ETFA: variants seen among roughly 807,000 people sequenced by gnomAD.
ETFA encodes electron transfer flavoprotein subunit alpha, mitochondrial.
A neutral mutation model predicts 46.2 loss-of-function variants in ETFA; 22 were observed. The observed-to-expected ratio is 0.48, with a 90% CI of 0.34 to 0.68. The LOEUF (loss-of-function observed/expected upper bound fraction) is 0.68, where lower values mean the gene tolerates loss of function less well. Among genes scored for constraint, ETFA ranks in the 30% least tolerant of loss-of-function variants. The probability of loss-of-function intolerance (pLI) is 0.01; values close to 1 mark genes in which losing one functional copy is unlikely to be tolerated. For synonymous variants in ETFA, 131 were observed against 139.9 expected, an observed-to-expected ratio of 0.94 and a Z score of 0.45; for missense variants, 345 against 401.1, an observed-to-expected ratio of 0.86 and a Z score of 1.19.
intron 9 of ETFA, chr15:76,259,146 C>A (rs1174850003): frequency 6.7e-7 from 1 of 1,501,844 alleles, no homozygotes; most frequent in Non-Finnish European, 9.3e-7. Context: ...ACCCACTGTC[C>A]CCATGCCACT....
At chr15:76,299,087 T>C (rs77981704) in intron 1 of ETFA, among the ~76,000 whole-genome samples, 54 of 152,318 alleles carry the variant, frequency 3.5e-4, no homozygotes, top group African/African-American at 1.2e-3. Flanking sequence ...AACGAGGTAA[T>C]TGCCTCAAAA....
At chr15:76,274,523 T>G (rs1340021620) in intron 8 of ETFA, 29 bp from the exon 9 acceptor site, 2 of 1,567,726 alleles carry the variant, frequency 1.3e-6, no homozygotes, top group African/African-American at 2.7e-5. Flanking sequence ...TGTCATTTTT[T>G]TCAAGCTCTA....
intron 9 of ETFA, among the ~76,000 whole-genome samples, chr15:76,255,175 C>T (rs542505289): frequency 3.4e-4 from 51 of 152,228 alleles, no homozygotes; most frequent in African/African-American, 1.1e-3. Context: ...CTAAAAAATA[C>T]TGTGTGAAAT....
intron 11 of ETFA, among the ~76,000 whole-genome samples, chr15:76,222,885 A>G (rs2142105757): frequency 6.6e-6 from 1 of 151,692 alleles, no homozygotes; most frequent in South Asian, 2.1e-4. Flanking sequence ...CCCAGGCTGA[A>G]GTGCAGTGGT....
intron 9 of ETFA, among the ~76,000 whole-genome samples, chr15:76,246,028 CAAAACAAAAT>C (rs922827563): frequency 6.6e-6 from 1 of 152,078 alleles, no homozygotes; most frequent in Non-Finnish European, 1.5e-5. Flanking sequence ...TTCATAATTT[CAAAACAAAAT>C]AAAACAAAAT....
chr15:76,260,692 T>C, intron 9 of ETFA: 1 of 1,602,656 alleles, frequency 6.2e-7, no homozygotes. Flanking sequence ...CACTCCAAGA[T>C]GAGGCCTGAA....
chr15:76,269,229 C>T (rs1385307016), intron 9 of ETFA, among the ~76,000 whole-genome samples: 7 of 152,054 alleles, frequency 4.6e-5, no homozygotes. Flanking sequence ...AAAAGGGGGG[C>T]ATGTTGGGAG....
chr15:76,266,240 A>G (rs1172223922), intron 9 of ETFA, among the ~76,000 whole-genome samples: 3 of 152,032 alleles, frequency 2.0e-5, no homozygotes, highest in Non-Finnish European at 4.4e-5. Flanking sequence ...TGCTTTTTTT[A>G]CCATTCCTTT....
intron 9 of ETFA, among the ~76,000 whole-genome samples, chr15:76,269,070 G>C (rs1346918284): frequency 6.6e-6 from 1 of 152,094 alleles, no homozygotes; most frequent in Non-Finnish European, 1.5e-5. Flanking sequence ...GTGGATTAAG[G>C]CCATTGGAAG....
intron 8 of ETFA, among the ~76,000 whole-genome samples, chr15:76,283,129 A>G (rs1000543569): frequency 1.2e-4 from 19 of 152,240 alleles, no homozygotes; most frequent in Non-Finnish European, 4.4e-5. Context: ...CCACCAAAAA[A>G]AAGATGAAAA....
At chr15:76,304,395 C>A (rs747998391) in intron 1 of ETFA, among the ~76,000 whole-genome samples, 1 of 152,122 alleles carries the variant, frequency 6.6e-6, no homozygotes, top group Admixed American at 6.5e-5. Context: ...CCAGGACACA[C>A]GGTTTACTCA....
At chr15:76,289,044 T>A (rs914095982) in intron 4 of ETFA, among the ~76,000 whole-genome samples, 1 of 151,532 alleles carries the variant, frequency 6.6e-6, no homozygotes. Context: ...CTTGGCCTCC[T>A]GAGTAGCTGG....
At chr15:76,278,250 C>T (rs2469537) in intron 8 of ETFA, among the ~76,000 whole-genome samples, 149,001 of 152,240 alleles carry the variant, frequency 0.98, 72,995 homozygotes, top group South Asian at 1. Flanking sequence ...CTTAATACTC[C>T]CAATTTTCAG....
intron 9 of ETFA, among the ~76,000 whole-genome samples, chr15:76,262,939 C>T: frequency 6.6e-6 from 1 of 152,156 alleles, no homozygotes; most frequent in Non-Finnish European, 1.5e-5. Context: ...GGGAACTATA[C>T]CTGAAATTCT....
rs35290919 is a variant in ETFA, at chr15:76,306,267, C to CTT, written c.39+5081_39+5082dup. ...AGGGCAGGGGAGGGTTTTTTTGCTTCTTTTTTTTTTTTTTTTTGAGACAGA... is the reference window on the plus strand; with the variant it reads ...AGGGCAGGGGAGGGTTTTTTTGCTTCTTTTTTTTTTTTTTTTTTTGAGACAGA... On this transcript the variant is annotated intron_variant, in intron 1 of 11. Transcript: ENST00000557943. Among the ~76,000 whole-genome samples, 324 of 109,470 alleles carry CTT rather than the reference C, an allele frequency of 3.0e-3. 10 individuals are homozygous for CTT. Among genetic ancestry groups the CTT allele is most frequent in the South Asian group, 0.015 (38 of 2,594 alleles). The allele number at this position is 109,470 out of a possible 152,430, so 71.8% of individuals were successfully genotyped here.
chr15:76,304,607 C>A (rs996323297), intron 1 of ETFA, among the ~76,000 whole-genome samples: 10 of 146,416 alleles, frequency 6.8e-5, no homozygotes, highest in Non-Finnish European at 1.3e-4. Flanking sequence ...GAGGCTGCAG[C>A]GAGTCAAGAT....
chr15:76,256,076 G>T (rs1444985967), intron 9 of ETFA, among the ~76,000 whole-genome samples: 1 of 151,674 alleles, frequency 6.6e-6, no homozygotes, highest in African/African-American at 2.4e-5. Context: ...TGGCCAACAT[G>T]GTGAAACCTT....
Position 76,258,970 on chromosome 15 carries a change from G to T in ETFA, c.816+15442C>A, listed in dbSNP as rs541405703. 17 of 1,576,338 alleles carry T rather than the reference G, an allele frequency of 1.1e-5. No homozygotes were observed. In the African/African-American group the frequency reaches 1.5e-4, roughly 14 times the overall value. ...TCAGAGCCAGCCAAATTGCCCTGAT[G>T]CCCTCTGCCTGTGAGCTAACAGCTA... is the stretch of plus-strand genomic sequence containing the variant. On this transcript the variant is annotated intron_variant, in intron 9 of 11. Coordinates refer to ENST00000557943, the MANE Select transcript of ETFA (RefSeq NM_000126.4).
In ETFA at chr15:76,305,456, C is replaced by T. The variant is rs187867003; in HGVS notation, c.39+5894G>A. Reference sequence around the variant, plus strand: ...CATGTATAAGGGTAACTAAACAGTACATAAACTGTTACATCACTAAAACAG... The same window carrying T: ...CATGTATAAGGGTAACTAAACAGTATATAAACTGTTACATCACTAAAACAG... On this transcript the variant is annotated intron_variant, in intron 1 of 11. Coordinates refer to ENST00000557943, the MANE Select transcript of ETFA (RefSeq NM_000126.4). Among the ~76,000 whole-genome samples, 166 of 152,308 alleles carry T rather than the reference C, an allele frequency of 1.1e-3. 1 individual carries two copies. The highest frequency in any genetic ancestry group is 3.9e-3 in the African/African-American group (163 of 41,562).
Sources: gnomAD v4.1 joint callset for allele counts (sites outside exome capture counted in the v4.1 genomes callset) on GRCh38, gnomAD v4.1.1 for gene constraint, MANE v1.5 for transcripts, NCBI Gene and HGNC (gene_info 2026-07-23, HGNC 2026-07-21) for gene names.